UBR3: variants seen among roughly 807,000 people sequenced by gnomAD.
UBR3 encodes the protein ubiquitin protein ligase E3 component n-recognin 3, also known as E3 ubiquitin-protein ligase UBR3.
A neutral mutation model predicts 243.2 loss-of-function variants in UBR3; 85 were observed. The observed-to-expected ratio is 0.35, with a 90% CI of 0.29 to 0.42. The LOEUF is 0.42. Among genes scored for constraint, UBR3 ranks in the 10% least tolerant of loss-of-function variants. The pLI, the probability that UBR3 is intolerant of heterozygous loss-of-function variation, is 1.00. For missense variants in UBR3, 1,686 were observed against 2,300.8 expected (o/e 0.73, Z 5.47); for synonymous variants, 748 against 799.8 (o/e 0.94, Z 1.09).
intron 30 of UBR3, among the ~76,000 whole-genome samples, chr2:170,025,425 T>TA (rs992171731): frequency 5.3e-5 from 8 of 152,118 alleles, no homozygotes; most frequent in African/African-American, 1.7e-4. Flanking sequence ...GACAAAATGA[T>TA]ACTATTCTAG....
At chr2:169,880,016 A>G (rs1321256497) in intron 5 of UBR3, among the ~76,000 whole-genome samples, 1 of 152,202 alleles carries the variant, frequency 6.6e-6, no homozygotes, top group East Asian at 1.9e-4. Flanking sequence ...GTAATTGGTA[A>G]TACACATATA....
chr2:169,913,536 A>G (rs944550273), intron 10 of UBR3, among the ~76,000 whole-genome samples: 3 of 152,074 alleles, frequency 2.0e-5, no homozygotes, highest in African/African-American at 4.8e-5. Flanking sequence ...TTGTAAGTCA[A>G]GGTATTCACA....
At position 170,008,868 on chromosome 2, in the gene UBR3, A is replaced by G; in HGVS notation, c.4295A>G (p.Lys1432Arg). The G allele has an allele frequency of 6.4e-7, 1 of 1,573,124 alleles. No homozygotes were observed. Among genetic ancestry groups the G allele is most frequent in the Non-Finnish European group, 8.7e-7 (1 of 1,152,774 alleles). ...VMKDIKNTTQKKYRDYSKTPG... is the reference protein window; with the variant it reads ...VMKDIKNTTQRKYRDYSKTPG... ...AAAGATATAAAAAATACCACTCAGA[A>G]GAAATATAGAGACTATAGCAAGACC... The change falls in exon 29 of 39, where the codon AAG becomes AGG. Residue 1432 changes from lysine to arginine, a missense_variant. Physicochemically the swap from Lys to Arg is conservative, Grantham distance 26 (BLOSUM62 2). Coordinates refer to ENST00000272793, the MANE Select transcript of UBR3 (RefSeq NM_172070.4).
chr2:170,034,797 A>G (rs2090780228), intron 31 of UBR3, among the ~76,000 whole-genome samples: 1 of 152,056 alleles, frequency 6.6e-6, no homozygotes, highest in East Asian at 1.9e-4. Context: ...CCAGCAATGA[A>G]TGAGAGTTCT....
At position 169,896,387 on chromosome 2, in the gene UBR3, A is replaced by T. The variant is rs902920127; in HGVS notation, c.1237-120A>T. On this transcript the variant is annotated intron_variant, in intron 7 of 38. Transcript: ENST00000272793. ...TCACCATCGAGATTTTTTTTAAGTT[A>T]TCTTGGGCATTATTATAAATTAGTA... is the stretch of plus-strand genomic sequence containing the variant. 4 of 599,842 alleles carry T rather than the reference A, an allele frequency of 6.7e-6. No individual in the cohort carries two copies. In the South Asian group the frequency reaches 1.5e-4, roughly 23 times the overall value. 37.2% of individuals were successfully genotyped at this position (599,842 alleles called of 1,614,324 possible).
intron 27 of UBR3, among the ~76,000 whole-genome samples, chr2:170,005,439 T>C (rs1379302638): frequency 6.6e-6 from 1 of 152,094 alleles, no homozygotes; most frequent in East Asian, 1.9e-4. Context: ...ATATGAAGGC[T>C]TTGTTTGGTG....
Position 170,061,190 on chromosome 2 carries a change from T to A in UBR3, c.4893+4T>A, listed in dbSNP as rs749535897. 36 of 1,586,240 alleles carry A rather than the reference T, an allele frequency of 2.3e-5. No individual in the cohort carries two copies. In the East Asian group the frequency reaches 7.4e-4, roughly 33 times the overall value. On this transcript the variant is annotated splice_donor_region_variant and intron_variant, in intron 34 of 38. Transcript: ENST00000272793. ...AGGAACTCAGGAATGTGCAATGGTA[T>A]GTTTCTGCAAAAATCAGATGTAGCG...
intron 25 of UBR3, among the ~76,000 whole-genome samples, chr2:169,991,358 C>G (rs1197707662): frequency 6.6e-6 from 1 of 152,118 alleles, no homozygotes; most frequent in African/African-American, 2.4e-5. Context: ...ATAGAACACT[C>G]CACCCAATAA....
At chr2:169,976,712 A>G (rs6433161) in intron 24 of UBR3, among the ~76,000 whole-genome samples, 40,979 of 151,908 alleles carry the variant, frequency 0.27, 5,735 homozygotes, top group East Asian at 0.42. Context: ...ACTTTTTACA[A>G]TTTGACTTTG....
At position 169,986,801 on chromosome 2, in the gene UBR3, T is replaced by A. The variant is rs1463272124; in HGVS notation, c.3784+7T>A. The A allele has an allele frequency of 6.2e-7, 1 of 1,613,306 alleles. No individual in the cohort carries two copies. ...CTGTTACAAGCATCCTCAGGTAAAA[T>A]CAAAGTAATTTTTTCATGGGAACAT... On this transcript the variant is annotated splice_region_variant and intron_variant, in intron 25 of 38. Coordinates refer to ENST00000272793, the MANE Select transcript of UBR3 (RefSeq NM_172070.4).
intron 1 of UBR3, among the ~76,000 whole-genome samples, chr2:169,852,035 G>A (rs1217732692): frequency 6.6e-6 from 1 of 151,916 alleles, no homozygotes; most frequent in African/African-American, 2.4e-5. Context: ...TTTTTTCCCG[G>A]TAATTGTTTA....
chr2:170,016,882 C>A, intron 30 of UBR3: 2 of 842,106 alleles, frequency 2.4e-6, no homozygotes. Flanking sequence ...TTATACTGTG[C>A]CAATATAGAA....
At chr2:170,054,325 G>T in intron 32 of UBR3, among the ~76,000 whole-genome samples, 1 of 148,056 alleles carries the variant, frequency 6.8e-6, no homozygotes, top group Non-Finnish European at 1.5e-5. Context: ...ACTGTTGCCT[G>T]GGCTGGAGTG....
At position 170,080,593 on chromosome 2, in the gene UBR3, G is replaced by T. The variant is rs1297434719; in HGVS notation, c.5458G>T (p.Ala1820Ser). 1 of 1,613,972 alleles carries T rather than the reference G, an allele frequency of 6.2e-7. No individual in the cohort carries two copies. The highest frequency in any genetic ancestry group is 1.7e-5 in the Admixed American group (1 of 60,020). ...AGTGIFLLIN[A>S]SVIIIIRGHR... ...AACAGGTATTTTCCTTTTGATCAAT[G>T]CATCGGTAATTATCATCATTCGAGG... is the stretch of plus-strand genomic sequence containing the variant. The change falls in exon 38 of 39, where the codon GCA becomes TCA. Residue 1820 changes from alanine (A) to serine (S), a missense_variant. Physicochemically the swap from Ala to Ser is moderately conservative, Grantham distance 99. Around this residue, in one of 8 missense-constraint regions of UBR3, gnomAD observed 89 missense variants for 183.3 expected, o/e 0.49. Coordinates refer to ENST00000272793, the MANE Select transcript of UBR3 (RefSeq NM_172070.4).
chr2:170,060,415 T>C (rs1436720457), intron 33 of UBR3, among the ~76,000 whole-genome samples: 1 of 152,108 alleles, frequency 6.6e-6, no homozygotes, highest in Non-Finnish European at 1.5e-5. Flanking sequence ...ATAAATATAT[T>C]GTCCTATTTT....
At chr2:170,074,746 C>CT (rs1054213458) in intron 36 of UBR3, among the ~76,000 whole-genome samples, 20 of 151,962 alleles carry the variant, frequency 1.3e-4, no homozygotes, top group African/African-American at 4.3e-4. Flanking sequence ...ATCCTAATCC[C>CT]TTTTTTTTCT....
At chr2:169,928,945 A>C (rs934162251) in intron 18 of UBR3, 77 bp downstream of exon 18, 2 of 1,197,056 alleles carry the variant, frequency 1.7e-6, no homozygotes, top group Non-Finnish European at 2.2e-6. Context: ...TTAAAAGAAA[A>C]TGTTTACCTT....
chr2:169,983,996 C>G (rs996940297), intron 24 of UBR3, among the ~76,000 whole-genome samples: 2 of 152,170 alleles, frequency 1.3e-5, no homozygotes, highest in African/African-American at 4.8e-5. Flanking sequence ...TTATTAGTCT[C>G]TAGTAACACT....
intron 11 of UBR3, 69 bp from the exon 12 acceptor site, chr2:169,923,860 C>T: frequency 1.5e-6 from 2 of 1,319,336 alleles, no homozygotes; most frequent in Non-Finnish European, 2.1e-6. Context: ...ATGGTTTAAA[C>T]ATTTTACAAC....
Sources: allele counts gnomAD v4.1 joint callset (sites outside exome capture counted in the v4.1 genomes callset), GRCh38; gene constraint gnomAD v4.1.1; regional missense constraint gnomAD v4.1.1; transcripts MANE v1.5; gene names NCBI Gene and HGNC (gene_info 2026-07-23, HGNC 2026-07-21).